The following EVI5 variants were observed in gnomAD, a reference collection of about 807,000 sequenced individuals.
The protein encoded by EVI5 is ecotropic viral integration site 5, also known as ecotropic viral integration site 5 protein homolog.
A neutral mutation model predicts 112.0 loss-of-function variants in EVI5; 73 were observed. The ratio of observed to expected loss-of-function variants is 0.65; its 90% CI spans 0.54 to 0.79. The LOEUF (loss-of-function observed/expected upper bound fraction) is 0.79. EVI5 is among the 30% of genes least tolerant of loss of function. EVI5 has a pLI of 0.00. For synonymous variants in EVI5, 305 were observed against 319.9 expected (o/e 0.95, Z 0.50); for missense variants, 900 against 968.8 (o/e 0.93, Z 0.94).
At chr1:92,646,237 T>C (rs976018002) in intron 13 of EVI5, among the ~76,000 whole-genome samples, 1 of 152,010 alleles carries the variant, frequency 6.6e-6, no homozygotes, top group Non-Finnish European at 1.5e-5. Flanking sequence ...ATTCTAAACA[T>C]ACAAAAAAAA....
At chr1:92,549,393 C>A (rs1666389139) in intron 19 of EVI5, among the ~76,000 whole-genome samples, 1 of 151,938 alleles carries the variant, frequency 6.6e-6, no homozygotes, top group Admixed American at 6.6e-5. Context: ...ACTATAAAAA[C>A]CCTAGAAGAA....
At chr1:92,568,835 G>A (rs1035372450) in intron 18 of EVI5, among the ~76,000 whole-genome samples, 1 of 151,646 alleles carries the variant, frequency 6.6e-6, no homozygotes, top group Non-Finnish European at 1.5e-5. Flanking sequence ...CTTTTTTCTA[G>A]CTTATTTTAA....
At chr1:92,672,666 T>C (rs1666067619) in intron 10 of EVI5, among the ~76,000 whole-genome samples, 2 of 152,226 alleles carry the variant, frequency 1.3e-5, no homozygotes, top group South Asian at 4.1e-4. Flanking sequence ...GTCTACTTCA[T>C]AACCACATTT....
chr1:92,544,927 AAAGTAGCACT>A (rs1404742713), intron 19 of EVI5, among the ~76,000 whole-genome samples: 1 of 152,206 alleles, frequency 6.6e-6, no homozygotes, highest in Non-Finnish European at 1.5e-5. Context: ...GACAGGCAGC[AAAGTAGCACT>A]AAGTCTTTGA....
chr1:92,739,866 G>A (rs1479955464), intron 1 of EVI5, among the ~76,000 whole-genome samples: 1 of 151,432 alleles, frequency 6.6e-6, no homozygotes, highest in Non-Finnish European at 1.5e-5. Flanking sequence ...TCCCCCCTGG[G>A]TAAAGGGTAC....
intron 1 of EVI5, among the ~76,000 whole-genome samples, chr1:92,790,489 A>C (rs892967684): frequency 6.6e-6 from 1 of 151,232 alleles, no homozygotes; most frequent in African/African-American, 2.4e-5. Flanking sequence ...CTCCATTTCA[A>C]CTCCTACTAA....
At chr1:92,670,952 A>G (rs1316322655) in intron 10 of EVI5, among the ~76,000 whole-genome samples, 1 of 152,158 alleles carries the variant, frequency 6.6e-6, no homozygotes, top group African/African-American at 2.4e-5. Flanking sequence ...TCCTGACTCC[A>G]GTGATTATCC....
intron 19 of EVI5, among the ~76,000 whole-genome samples, chr1:92,557,103 C>G (rs77565458): frequency 1.3e-5 from 2 of 151,964 alleles, no homozygotes; most frequent in Non-Finnish European, 2.9e-5. Flanking sequence ...AGAAAAATTG[C>G]CTTCCCAACA....
chr1:92,517,679 G>A (rs1660140836), intron 19 of EVI5, among the ~76,000 whole-genome samples: 1 of 152,066 alleles, frequency 6.6e-6, no homozygotes, highest in Admixed American at 6.6e-5. Flanking sequence ...TTAAATGAAC[G>A]TTTTCTGCAA....
intron 13 of EVI5, among the ~76,000 whole-genome samples, chr1:92,641,979 A>C (rs1660070194): frequency 6.6e-6 from 1 of 152,126 alleles, no homozygotes; most frequent in Admixed American, 6.6e-5. Context: ...CTCTACTAAA[A>C]ATACAAAAAA....
intron 1 of EVI5, among the ~76,000 whole-genome samples, chr1:92,767,429 G>C (rs761458982): frequency 8.5e-5 from 13 of 152,200 alleles, no homozygotes; most frequent in Non-Finnish European, 1.3e-4. Flanking sequence ...CCCATCCACA[G>C]TTTCAGGTAT....
chr1:92,555,460 G>A (rs1331545012), intron 19 of EVI5, among the ~76,000 whole-genome samples: 1 of 152,182 alleles, frequency 6.6e-6, no homozygotes, highest in Non-Finnish European at 1.5e-5. Context: ...CAGTAAGAAT[G>A]TTAATTCTCT....
chr1:92,656,218 T>C (rs1311011925), intron 13 of EVI5, among the ~76,000 whole-genome samples: 1 of 152,154 alleles, frequency 6.6e-6, no homozygotes, highest in Non-Finnish European at 1.5e-5. Flanking sequence ...CACAGTGGAA[T>C]GTAACTAGAA....
intron 9 of EVI5, among the ~76,000 whole-genome samples, chr1:92,688,146 A>G (rs1668875149): frequency 1.3e-5 from 2 of 152,188 alleles, no homozygotes. Flanking sequence ...ATGTCCATCA[A>G]TGATAGACTG....
chr1:92,558,949 G>A (rs997520937), intron 19 of EVI5, among the ~76,000 whole-genome samples: 3 of 151,876 alleles, frequency 2.0e-5, no homozygotes, highest in South Asian at 2.1e-4. Context: ...ACTATACACC[G>A]TGGTTTACAA....
chr1:92,686,814 C>A (rs928644213), intron 9 of EVI5, among the ~76,000 whole-genome samples: 40 of 151,992 alleles, frequency 2.6e-4, no homozygotes, highest in African/African-American at 9.7e-4. Flanking sequence ...GAATAAAATA[C>A]CTGGGAATAC....
At chr1:92,556,064 T>C (rs759621135) in intron 19 of EVI5, among the ~76,000 whole-genome samples, 248 of 151,352 alleles carry the variant, frequency 1.6e-3, no homozygotes, top group Non-Finnish European at 3.0e-3. Context: ...TTTCTTTCTT[T>C]CTTTTTTTTT....
chr1:92,735,758 TATG>T (rs964369117), intron 2 of EVI5, among the ~76,000 whole-genome samples: 1 of 143,792 alleles, frequency 7.0e-6, no homozygotes, highest in South Asian at 2.1e-4. Flanking sequence ...TAAAATATAA[TATG>T]ATATATGTTA....
At chr1:92,630,459 G>A (rs1184973565) in intron 14 of EVI5, among the ~76,000 whole-genome samples, 9 of 151,270 alleles carry the variant, frequency 5.9e-5, no homozygotes, top group Admixed American at 1.3e-4. Flanking sequence ...GGCTGCATAA[G>A]TGTCTTCTTT....
Sources: allele counts gnomAD v4.1 joint callset (sites outside exome capture counted in the v4.1 genomes callset), GRCh38; gene constraint gnomAD v4.1.1; transcripts MANE v1.5; gene names NCBI Gene and HGNC (gene_info 2026-07-23, HGNC 2026-07-21).